IRAK2: variants seen among roughly 807,000 people sequenced by gnomAD.
IRAK2 encodes the protein interleukin-1 receptor-associated kinase-like 2.
Under a neutral mutation model 72.0 loss-of-function variants are expected in IRAK2, and 57 were observed. That is an observed-to-expected ratio of 0.79 (90% CI 0.64 to 0.99). IRAK2 has a LOEUF of 0.99. Among genes scored for constraint, IRAK2 ranks in the 50% least tolerant of loss-of-function variants. The probability of loss-of-function intolerance (pLI) is 0.00; values close to 1 mark genes in which losing one functional copy is unlikely to be tolerated. For missense variants in IRAK2, 790 were observed against 794.4 expected, an observed-to-expected ratio of 0.99 and a Z score of 0.07; for synonymous variants, 293 against 312.7, an observed-to-expected ratio of 0.94 and a Z score of 0.67.
intron 2 of IRAK2, among the ~76,000 whole-genome samples, chr3:10,191,963 A>G (rs1025478793): frequency 2.0e-5 from 3 of 152,042 alleles, no homozygotes; most frequent in Non-Finnish European, 4.4e-5. Context: ...GGGATCGCAC[A>G]ATTAGGAAGG....
At chr3:10,196,644 T>A (rs1209882974) in intron 2 of IRAK2, among the ~76,000 whole-genome samples, 1 of 152,192 alleles carries the variant, frequency 6.6e-6, no homozygotes, top group Non-Finnish European at 1.5e-5. Context: ...AAGTGCATGT[T>A]CTCTGGGTGC....
At chr3:10,169,659 T>A (rs1359214397) in intron 1 of IRAK2, among the ~76,000 whole-genome samples, 1 of 152,188 alleles carries the variant, frequency 6.6e-6, no homozygotes, top group Non-Finnish European at 1.5e-5. Context: ...CAGGGTGCCC[T>A]GATTTCATAT....
intron 2 of IRAK2, among the ~76,000 whole-genome samples, chr3:10,181,890 A>G (rs944419932): frequency 1.1e-4 from 16 of 152,070 alleles, no homozygotes; most frequent in African/African-American, 3.9e-4. Flanking sequence ...ATACACACTT[A>G]GTTTACTATG....
intron 2 of IRAK2, among the ~76,000 whole-genome samples, chr3:10,199,672 A>G (rs1336906351): frequency 6.6e-6 from 1 of 152,058 alleles, no homozygotes; most frequent in African/African-American, 2.4e-5. Context: ...TACAGCGCCC[A>G]TTCCCATCTC....
chr3:10,174,032 G>C lies in IRAK2; in HGVS notation c.95-3806G>C, dbSNP rs1696836759. On this transcript the variant is annotated intron_variant, in intron 1 of 12. Coordinates refer to ENST00000256458, the MANE Select transcript of IRAK2 (RefSeq NM_001570.4). ...GCTGAGTTCCTGCTGCCACCCACGAGGGGTGGCCCTGGGCTTCTGTTTTCC... is the reference window on the plus strand; with the variant it reads ...GCTGAGTTCCTGCTGCCACCCACGACGGGTGGCCCTGGGCTTCTGTTTTCC... 3.3e-5 allele frequency among the ~76,000 whole-genome samples: 5 copies of C among 152,120 alleles called. No homozygotes were observed. In the South Asian group the frequency reaches 1.0e-3, roughly 32 times the overall value.
At chr3:10,195,548 C>G (rs1445356269) in intron 2 of IRAK2, among the ~76,000 whole-genome samples, 1 of 125,756 alleles carries the variant, frequency 8.0e-6, no homozygotes, top group Non-Finnish European at 1.7e-5. Flanking sequence ...CACCCTGTCT[C>G]AAAAAAAAAA....
At chr3:10,179,700 C>G (rs1309277909) in intron 2 of IRAK2, among the ~76,000 whole-genome samples, 1 of 152,154 alleles carries the variant, frequency 6.6e-6, no homozygotes, top group African/African-American at 2.4e-5. Context: ...TTCCAAAGTG[C>G]TGGGATTATA....
chr3:10,179,923 T>G (rs1016896317), intron 2 of IRAK2, among the ~76,000 whole-genome samples: 10 of 152,244 alleles, frequency 6.6e-5, no homozygotes, highest in Non-Finnish European at 8.8e-5. Context: ...GAGCCTGTTT[T>G]GCACACATGT....
intron 1 of IRAK2, among the ~76,000 whole-genome samples, chr3:10,168,961 G>A (rs1344918398): frequency 6.6e-6 from 1 of 152,156 alleles, no homozygotes. Flanking sequence ...GTATTTCAAT[G>A]TAGGTTCTTT....
chr3:10,219,842 G>A, intron 8 of IRAK2, 53 bp downstream of exon 8: 1 of 1,280,644 alleles, frequency 7.8e-7, no homozygotes, highest in Admixed American at 1.7e-5. Flanking sequence ...GGGTGGAACT[G>A]GTGCCTATTC....
intron 6 of IRAK2, 81 bp downstream of exon 6, chr3:10,213,629 C>A: frequency 9.6e-7 from 1 of 1,045,506 alleles, no homozygotes; most frequent in Non-Finnish European, 1.5e-6. Flanking sequence ...GTTTTAAGCA[C>A]TCTATTATAT....
rs568492446 is a variant in IRAK2 at position 10,167,540 on chromosome 3, T to A, written c.94+2492T>A. Among the ~76,000 whole-genome samples, 7 of 151,958 alleles carry A rather than the reference T, an allele frequency of 4.6e-5. 1 individual carries two copies. Among genetic ancestry groups the A allele is most frequent in the African/African-American group, 1.7e-4 (7 of 41,480 alleles). ...TGCCATTCTCCTGCTTCAGCCTCCC[T>A]AGCAGCTTGGACTACAGGTGCCTGC... On this transcript the variant is annotated intron_variant, in intron 1 of 12. Coordinates refer to ENST00000256458, the MANE Select transcript of IRAK2 (RefSeq NM_001570.4).
intron 4 of IRAK2, among the ~76,000 whole-genome samples, chr3:10,211,718 T>C (rs566000124): frequency 6.6e-6 from 1 of 152,208 alleles, no homozygotes; most frequent in African/African-American, 2.4e-5. Flanking sequence ...TAATAGCAGT[T>C]AAATGGATAA....
At chr3:10,184,830 C>A (rs1239267215) in intron 2 of IRAK2, among the ~76,000 whole-genome samples, 2 of 148,712 alleles carry the variant, frequency 1.3e-5, no homozygotes, top group Non-Finnish European at 3.0e-5. Flanking sequence ...CCCAGGTTCA[C>A]GCCATTCTCT....
At chr3:10,198,400 G>A (rs1432261301) in intron 2 of IRAK2, among the ~76,000 whole-genome samples, 1 of 152,176 alleles carries the variant, frequency 6.6e-6, no homozygotes, top group Non-Finnish European at 1.5e-5. Context: ...TGGGGATTGG[G>A]GCGTCTGCCC....
rs1272672753 is a variant in IRAK2, at chr3:10,165,021, C to G, written c.67C>G (p.Leu23Val). 4.3e-6 allele frequency: 7 copies of G among 1,611,652 alleles called. No individual in the cohort carries two copies. The highest frequency in any genetic ancestry group is 5.9e-6 in the Non-Finnish European group (7 of 1,179,548). Residue 23 changes from leucine to valine, a missense_variant, in exon 1 of 13, where the codon CTC becomes GTC. Physicochemically the swap from Leu to Val is conservative, Grantham distance 32. Transcript: ENST00000256458. Reference protein sequence around the residue: ...LDDLCRNMDALSEWDWMEFAS... With the variant: ...LDDLCRNMDAVSEWDWMEFAS... ...CGACCTGTGCCGCAACATGGACGCGCTCAGCGAGTGGGACTGGATGGAGTT... is the reference window on the plus strand; with the variant it reads ...CGACCTGTGCCGCAACATGGACGCGGTCAGCGAGTGGGACTGGATGGAGTT...
At position 10,217,023 on chromosome 3, in the gene IRAK2, C is replaced by A; in HGVS notation, c.878C>A (p.Ser293Tyr). 1 of 1,613,634 alleles carries A rather than the reference C, an allele frequency of 6.2e-7. No homozygotes were observed. Among genetic ancestry groups the A allele is most frequent in the South Asian group, 1.1e-5 (1 of 91,064 alleles). Residue 293 changes from serine (S) to tyrosine (Y), a missense_variant, in exon 7 of 13, where the codon TCC becomes TAC. Transcript: ENST00000256458. Reference protein sequence around the residue: ...SFIYPYMANGSLQDRLQGQGG... With the variant: ...SFIYPYMANGYLQDRLQGQGG... ...ATCTACCCCTACATGGCAAATGGTT[C>A]CCTACAGGACAGACTGCAGGGTCAG...
chr3:10,217,699 A>G (rs1697626261), intron 7 of IRAK2, among the ~76,000 whole-genome samples: 1 of 152,198 alleles, frequency 6.6e-6, no homozygotes. Flanking sequence ...AATCCTTAAT[A>G]AAAATTACAG....
At chr3:10,228,225 G>A (rs573760161) in intron 10 of IRAK2, among the ~76,000 whole-genome samples, 1 of 152,224 alleles carries the variant, frequency 6.6e-6, no homozygotes, top group South Asian at 2.1e-4. Flanking sequence ...GGAACAGACA[G>A]ATTATTATTT....
Sources: gnomAD v4.1 joint callset for allele counts (sites outside exome capture counted in the v4.1 genomes callset) on GRCh38, gnomAD v4.1.1 for gene constraint, MANE v1.5 for transcripts, NCBI Gene and HGNC (gene_info 2026-07-23, HGNC 2026-07-21) for gene names.